ZZZ3: variants seen among roughly 807,000 people sequenced by gnomAD.
ZZZ3 encodes the protein ZZ-type zinc finger-containing protein 3.
ZZZ3 carries 22 observed loss-of-function variants against 95.2 expected under a neutral mutation model. That is an observed-to-expected ratio of 0.23 (90% CI 0.17 to 0.33). ZZZ3 has a LOEUF of 0.33. Among genes scored for constraint, ZZZ3 ranks in the 10% least tolerant of loss-of-function variants. The pLI is 1.00. For missense variants in ZZZ3, 885 were observed against 1,066.5 expected (o/e 0.83, Z 2.37); for synonymous variants, 335 against 358.9 (o/e 0.93, Z 0.75).
At chr1:77,622,757 T>C (rs564405932) in intron 5 of ZZZ3, among the ~76,000 whole-genome samples, 2 of 152,320 alleles carry the variant, frequency 1.3e-5, no homozygotes, top group African/African-American at 4.8e-5. Context: ...ACCTCAGCAA[T>C]ACCTAATCAT....
intron 1 of ZZZ3, among the ~76,000 whole-genome samples, chr1:77,663,212 A>G (rs1000619025): frequency 6.6e-6 from 1 of 152,220 alleles, no homozygotes; most frequent in Non-Finnish European, 1.5e-5. Context: ...TTAAAAAGCT[A>G]TAAAAATAAT....
chr1:77,682,118 G>A (rs913144447), intron 1 of ZZZ3, among the ~76,000 whole-genome samples: 30 of 152,096 alleles, frequency 2.0e-4, no homozygotes, highest in African/African-American at 7.2e-4. Flanking sequence ...TCCAAATACT[G>A]CCAAAAGTTA....
rs141819731 is a variant in ZZZ3 at position 77,600,888 on chromosome 1, C to G, written c.1506-16233G>C. The stretch of plus-strand genomic sequence containing the variant: ...ATCAATTACACAGTGCTCTATAAAA[C>G]CAAGACTGGACTCAGACTAGACTGA... On this transcript the variant is annotated intron_variant, in intron 5 of 14. Transcript: ENST00000370801. 3.9e-3 allele frequency among the ~76,000 whole-genome samples: 596 copies of G among 152,262 alleles called. 8 individuals carry two copies. The highest frequency in any genetic ancestry group is 5.1e-3 in the Non-Finnish European group (345 of 68,008).
intron 5 of ZZZ3, among the ~76,000 whole-genome samples, chr1:77,621,645 A>G (rs747553580): frequency 2.6e-5 from 4 of 151,590 alleles, no homozygotes; most frequent in Admixed American, 6.6e-5. Flanking sequence ...ACAAAACCCC[A>G]TCTCTACAAG....
intron 5 of ZZZ3, among the ~76,000 whole-genome samples, chr1:77,620,686 GTA>G: frequency 6.6e-6 from 1 of 152,206 alleles, no homozygotes; most frequent in Admixed American, 6.5e-5. Context: ...GAAAGAAGCA[GTA>G]AGTTCAGTTT....
intron 5 of ZZZ3, among the ~76,000 whole-genome samples, chr1:77,587,515 C>T (rs1465185112): frequency 2.6e-5 from 4 of 152,264 alleles, no homozygotes; most frequent in Admixed American, 2.0e-4. Flanking sequence ...CCGCCCGCCT[C>T]GGCCTCCCAA....
chr1:77,619,549 C>T (rs528579553), intron 5 of ZZZ3, among the ~76,000 whole-genome samples: 3 of 152,174 alleles, frequency 2.0e-5, no homozygotes, highest in Non-Finnish European at 4.4e-5. Flanking sequence ...ACTGGCAAAA[C>T]TCTAGATTGT....
intron 5 of ZZZ3, among the ~76,000 whole-genome samples, chr1:77,618,307 G>T (rs1299908263): frequency 7.4e-6 from 1 of 134,962 alleles, no homozygotes; most frequent in Non-Finnish European, 1.5e-5. Context: ...GCCAGGGATG[G>T]ACTGACCAAG....
At chr1:77,658,655 C>T (rs140441209) in intron 1 of ZZZ3, among the ~76,000 whole-genome samples, 39 of 152,160 alleles carry the variant, frequency 2.6e-4, no homozygotes, top group Admixed American at 2.2e-3. Context: ...TGAGCCACAC[C>T]GCCCAGCCTA....
chr1:77,565,593 C>T lies in ZZZ3; in HGVS notation c.*47G>A, dbSNP rs1332532444. 1.3e-6 allele frequency: 2 copies of T among 1,580,764 alleles called. No homozygotes were observed. Among genetic ancestry groups the T allele is most frequent in the Non-Finnish European group, 1.7e-6 (2 of 1,159,180 alleles). On this transcript the variant is annotated 3_prime_UTR_variant, in exon 15 of 15. Transcript: ENST00000370801. Reference sequence around the variant, plus strand: ...CTGTGCACATAATTAACAATGATACCATTGCTATGTGTTGAAGAGGACTAG... The same window carrying T: ...CTGTGCACATAATTAACAATGATACTATTGCTATGTGTTGAAGAGGACTAG...
chr1:77,564,421 T>A lies in ZZZ3; in HGVS notation c.*1219A>T, dbSNP rs999193216. The stretch of plus-strand genomic sequence containing the variant: ...CTTAAATATGTGAAGCAAACCATTT[T>A]AAAAAATACCAATTTCTGGTTTTAA... On this transcript the variant is annotated 3_prime_UTR_variant, in exon 15 of 15. Transcript: ENST00000370801. 1 of 152,334 alleles carries A rather than the reference T, an allele frequency of 6.6e-6. No individual in the cohort carries two copies. The highest frequency in any genetic ancestry group is 1.5e-5 in the Non-Finnish European group (1 of 67,982). The allele number at this position is 152,334 out of a possible 1,614,324, so 9.4% of individuals were successfully genotyped here.
intron 1 of ZZZ3, among the ~76,000 whole-genome samples, chr1:77,648,413 G>GC (rs1331995645): frequency 1.4e-5 from 2 of 144,082 alleles, no homozygotes; most frequent in Non-Finnish European, 3.1e-5. Flanking sequence ...ATGAGAAAAA[G>GC]CAATCGACAG....
chr1:77,577,958 A>G (rs1401223407), intron 11 of ZZZ3, among the ~76,000 whole-genome samples: 4 of 152,190 alleles, frequency 2.6e-5, no homozygotes, highest in Admixed American at 2.6e-4. Context: ...TGTTTGGGAA[A>G]GAAACAGTAG....
intron 5 of ZZZ3, among the ~76,000 whole-genome samples, chr1:77,594,629 G>A (rs1664044428): frequency 6.6e-6 from 1 of 151,924 alleles, no homozygotes; most frequent in Non-Finnish European, 1.5e-5. Flanking sequence ...TTCTGTTTAT[G>A]ACATCTTGGG....
intron 1 of ZZZ3, among the ~76,000 whole-genome samples, chr1:77,665,397 G>T (rs1052455805): frequency 6.6e-6 from 1 of 152,202 alleles, no homozygotes; most frequent in East Asian, 1.9e-4. Flanking sequence ...TCAACTTGCT[G>T]AAGACAGCAA....
At chr1:77,648,540 TC>T (rs1669508049) in intron 1 of ZZZ3, among the ~76,000 whole-genome samples, 1 of 152,066 alleles carries the variant, frequency 6.6e-6, no homozygotes, top group South Asian at 2.1e-4. Context: ...GATACGTAAG[TC>T]TTTTTAATGT....
At position 77,563,028 on chromosome 1, in the gene ZZZ3, T is replaced by G. The variant is rs1226205806; in HGVS notation, c.*2612A>C. 1.3e-5 allele frequency: 2 copies of G among 152,332 alleles called. No individual in the cohort carries two copies. The highest frequency in any genetic ancestry group is 3.9e-4 in the East Asian group (2 of 5,188). 9.4% of individuals were successfully genotyped at this position (152,332 alleles called of 1,614,324 possible). A position where few individuals can be genotyped will look rare whatever the true frequency, so the allele number is the denominator to read the frequency against. ...CCCTGCCTCATAGAGTTGTTAAGAATTAGTTATCATATGCTTGCTTGGCAC... is the reference window on the plus strand; with the variant it reads ...CCCTGCCTCATAGAGTTGTTAAGAAGTAGTTATCATATGCTTGCTTGGCAC... On this transcript the variant is annotated 3_prime_UTR_variant, in exon 15 of 15. Transcript: ENST00000370801.
chr1:77,587,373 T>C (rs1219240101), intron 5 of ZZZ3, among the ~76,000 whole-genome samples: 1 of 149,802 alleles, frequency 6.7e-6, no homozygotes. Context: ...CAGGCAATTC[T>C]CCTGCCTCAG....
At chr1:77,678,680 G>A (rs1672484179) in intron 1 of ZZZ3, among the ~76,000 whole-genome samples, 1 of 152,140 alleles carries the variant, frequency 6.6e-6, no homozygotes, top group Non-Finnish European at 1.5e-5. Flanking sequence ...TTCCCCTGTA[G>A]ATGACATTTC....
Sources: gnomAD v4.1 joint callset for allele counts (sites outside exome capture counted in the v4.1 genomes callset) on GRCh38, gnomAD v4.1.1 for gene constraint, MANE v1.5 for transcripts, NCBI Gene and HGNC (gene_info 2026-07-23, HGNC 2026-07-21) for gene names.